PDZRN4: variants seen among roughly 807,000 people sequenced by gnomAD.
PDZRN4 encodes the protein PDZ domain containing ring finger 4.
A neutral mutation model predicts 99.0 loss-of-function variants in PDZRN4; 70 were observed. That is an observed-to-expected ratio of 0.71 (90% CI 0.58 to 0.86). The LOEUF is 0.86. Ranked by LOEUF, PDZRN4 falls within the 40% of genes least tolerant of loss-of-function variation. The probability of loss-of-function intolerance (pLI) is 0.00; values close to 1 mark genes in which losing one functional copy is unlikely to be tolerated. For missense variants in PDZRN4, 1,474 were observed against 1,331.2 expected, an observed-to-expected ratio of 1.11 and a Z score of -1.67; for synonymous variants, 551 against 501.6, an observed-to-expected ratio of 1.10 and a Z score of -1.32.
In PDZRN4 at chr12:41,532,622, C is replaced by T. The variant is rs150690821; in HGVS notation, c.1204-20034C>T. Reference sequence around the variant, plus strand: ...ACACATATTTTTATTAGCTTAATTCCCAAGTAGTGCATATTTTTCTGCAAT... The same window carrying T: ...ACACATATTTTTATTAGCTTAATTCTCAAGTAGTGCATATTTTTCTGCAAT... On this transcript the variant is annotated intron_variant, in intron 5 of 9. Coordinates refer to ENST00000402685, the MANE Select transcript of PDZRN4 (RefSeq NM_001164595.2). Among the ~76,000 whole-genome samples the T allele has an allele frequency of 7.1e-3, 1,086 of 152,078 alleles. 7 individuals carry two copies. Among genetic ancestry groups the T allele is most frequent in the Non-Finnish European group, 0.012 (792 of 68,000 alleles).
chr12:41,284,939 T>C (rs1232320676), intron 3 of PDZRN4, among the ~76,000 whole-genome samples: 1 of 152,084 alleles, frequency 6.6e-6, no homozygotes, highest in African/African-American at 2.4e-5. Flanking sequence ...ATTCAGGACA[T>C]AGCATGGGCA....
chr12:41,202,470 G>T (rs1052757983), intron 3 of PDZRN4, among the ~76,000 whole-genome samples: 3 of 152,176 alleles, frequency 2.0e-5, no homozygotes, highest in Admixed American at 1.3e-4. Context: ...ACAAAGGAGA[G>T]AAAGGTGACT....
At chr12:41,419,605 G>C (rs952727855) in intron 3 of PDZRN4, among the ~76,000 whole-genome samples, 14 of 152,124 alleles carry the variant, frequency 9.2e-5, no homozygotes, top group African/African-American at 3.4e-4. Context: ...AACCCAACTA[G>C]TATTACAGAG....
chr12:41,539,753 A>C (rs936160383), intron 5 of PDZRN4, among the ~76,000 whole-genome samples: 9 of 152,200 alleles, frequency 5.9e-5, no homozygotes, highest in Non-Finnish European at 1.3e-4. Context: ...AAAGTTCCTG[A>C]ATGCTTTTCA....
At chr12:41,248,736 C>G (rs1951149605) in intron 3 of PDZRN4, among the ~76,000 whole-genome samples, 1 of 151,960 alleles carries the variant, frequency 6.6e-6, no homozygotes, top group Admixed American at 6.6e-5. Context: ...TACCAGCAGT[C>G]TTAGAAGTGA....
At chr12:41,537,534 A>G (rs1030095287) in intron 5 of PDZRN4, among the ~76,000 whole-genome samples, 2 of 152,140 alleles carry the variant, frequency 1.3e-5, no homozygotes, top group Admixed American at 1.3e-4. Context: ...CAGATGTGTG[A>G]GTGGAATAGT....
At chr12:41,438,841 T>A (rs1952653873) in intron 3 of PDZRN4, among the ~76,000 whole-genome samples, 1 of 152,220 alleles carries the variant, frequency 6.6e-6, no homozygotes, top group Admixed American at 6.5e-5. Flanking sequence ...GAATTTCTTA[T>A]CTAGCAAAAT....
At chr12:41,219,699 A>G (rs1002323750) in intron 3 of PDZRN4, among the ~76,000 whole-genome samples, 2 of 152,094 alleles carry the variant, frequency 1.3e-5, no homozygotes, top group African/African-American at 4.8e-5. Flanking sequence ...GAAGTGTATG[A>G]AGAAGCAACC....
intron 3 of PDZRN4, among the ~76,000 whole-genome samples, chr12:41,503,537 A>G (rs1565600323): frequency 6.6e-6 from 1 of 152,200 alleles, no homozygotes; most frequent in African/African-American, 2.4e-5. Context: ...TCCTCAGAAA[A>G]AACTATACTC....
At chr12:41,544,368 G>T (rs1279902571) in intron 5 of PDZRN4, among the ~76,000 whole-genome samples, 14 of 152,192 alleles carry the variant, frequency 9.2e-5, no homozygotes, top group Non-Finnish European at 1.8e-4. Flanking sequence ...CAATTATGCT[G>T]CTGTACAAAT....
chr12:41,555,000 A>C (rs574271399), intron 6 of PDZRN4, among the ~76,000 whole-genome samples: 3 of 149,450 alleles, frequency 2.0e-5, no homozygotes, highest in Non-Finnish European at 4.4e-5. Context: ...CAAGGTCAGG[A>C]GATCAAGACC....
At chr12:41,319,554 CA>C (rs1206017790) in intron 3 of PDZRN4, among the ~76,000 whole-genome samples, 1 of 152,120 alleles carries the variant, frequency 6.6e-6, no homozygotes, top group African/African-American at 2.4e-5. Context: ...ACTGTCTCTC[CA>C]CAGCACCTTG....
intron 3 of PDZRN4, among the ~76,000 whole-genome samples, chr12:41,414,075 T>C (rs1952422292): frequency 6.6e-6 from 1 of 151,890 alleles, no homozygotes; most frequent in African/African-American, 2.4e-5. Flanking sequence ...ACTCACTTAG[T>C]TTGGCAGGGT....
intron 5 of PDZRN4, among the ~76,000 whole-genome samples, chr12:41,515,205 G>C (rs1324346808): frequency 1.3e-5 from 2 of 151,850 alleles, no homozygotes; most frequent in Non-Finnish European, 2.9e-5. Flanking sequence ...AAACATGATG[G>C]GTATGAAACA....
chr12:41,550,412 T>C (rs1939032503), intron 5 of PDZRN4, among the ~76,000 whole-genome samples: 1 of 152,218 alleles, frequency 6.6e-6, no homozygotes, highest in Non-Finnish European at 1.5e-5. Flanking sequence ...ACCTTGTTGC[T>C]GTAATTGAAG....
At chr12:41,454,549 G>A (rs753112329) in intron 3 of PDZRN4, among the ~76,000 whole-genome samples, 2 of 152,200 alleles carry the variant, frequency 1.3e-5, no homozygotes, top group Non-Finnish European at 2.9e-5. Context: ...AGGGATCTTT[G>A]GGGTCATTTG....
chr12:41,377,881 G>T (rs1433081351), intron 3 of PDZRN4, among the ~76,000 whole-genome samples: 2 of 151,962 alleles, frequency 1.3e-5, no homozygotes, highest in African/African-American at 2.4e-5. Context: ...AGAGTTTTTT[G>T]GTGGAATCTT....
At chr12:41,567,721 T>A in intron 8 of PDZRN4, 62 bp from the exon 9 acceptor site, 1 of 1,024,118 alleles carries the variant, frequency 9.8e-7, no homozygotes, top group East Asian at 2.6e-5. Context: ...CATTTAAGTT[T>A]ACTCTATTTT....
chr12:41,371,300 A>G (rs553816946), intron 3 of PDZRN4, among the ~76,000 whole-genome samples: 1 of 152,000 alleles, frequency 6.6e-6, no homozygotes, highest in East Asian at 1.9e-4. Flanking sequence ...TACAAACTGT[A>G]TATGGCACTG....
Sources: gnomAD v4.1 joint callset for allele counts (sites outside exome capture counted in the v4.1 genomes callset) on GRCh38, gnomAD v4.1.1 for gene constraint, MANE v1.5 for transcripts, NCBI Gene and HGNC (gene_info 2026-07-23, HGNC 2026-07-21) for gene names.